The following NBAS variants were observed in gnomAD, a reference collection of about 807,000 sequenced individuals.
The protein encoded by NBAS is NBAS subunit of NRZ tethering complex, also known as NAG/BC035112 fusion.
In NBAS, 219 loss-of-function variants were observed where a neutral mutation model predicts 302.5. That is an observed-to-expected ratio of 0.72 (90% confidence interval 0.65 to 0.81). The LOEUF (loss-of-function observed/expected upper bound fraction) is 0.81. Ranked by LOEUF, NBAS falls within the 30% of genes least tolerant of loss-of-function variation. The probability of loss-of-function intolerance (pLI) is 0.00; values close to 1 mark genes in which losing one functional copy is unlikely to be tolerated. For synonymous variants in NBAS, 1,118 were observed against 1,021.6 expected (o/e 1.09, Z -1.80); for missense variants, 2,932 against 2,841.6 (o/e 1.03, Z -0.72).
chr2:15,047,112 AG>A, the NBAS span, among the ~76,000 whole-genome samples: 3 of 152,260 alleles, frequency 2.0e-5, no homozygotes, highest in Non-Finnish European at 4.4e-5. Context: ...TTCAGGCAGT[AG>A]AGCCTAGAGA....
the NBAS span, among the ~76,000 whole-genome samples, chr2:14,993,086 G>A: frequency 6.6e-6 from 1 of 152,204 alleles, no homozygotes; most frequent in African/African-American, 2.4e-5. Context: ...GGGGACCTTT[G>A]AAGGGAGTGA....
chr2:15,229,151 G>C (rs1174877224), intron 47 of NBAS, among the ~76,000 whole-genome samples: 1 of 151,616 alleles, frequency 6.6e-6, no homozygotes, highest in African/African-American at 2.4e-5. Flanking sequence ...AGATCAGCCT[G>C]GCCAACATGA....
At chr2:15,360,710 C>T (rs949183590) in intron 32 of NBAS, among the ~76,000 whole-genome samples, 1 of 132,360 alleles carries the variant, frequency 7.6e-6, no homozygotes, top group African/African-American at 2.8e-5. Flanking sequence ...AAGACACAAA[C>T]ACACATATTA....
the NBAS span, among the ~76,000 whole-genome samples, chr2:15,159,458 C>CAT: frequency 0.6 from 91,295 of 151,826 alleles, 29,190 homozygotes; most frequent in East Asian, 0.82. Flanking sequence ...GGGACCAGCA[C>CAT]GTTACAACAT....
the NBAS span, among the ~76,000 whole-genome samples, chr2:14,858,898 T>A: frequency 6.6e-6 from 1 of 152,074 alleles, no homozygotes; most frequent in African/African-American, 2.4e-5. Context: ...GTGATTATTA[T>A]GCATTGCATA....
At chr2:15,383,402 C>A (rs1675140492) in intron 28 of NBAS, 85 bp from the exon 29 acceptor site, 24 of 1,173,346 alleles carry the variant, frequency 2.0e-5, no homozygotes, top group Non-Finnish European at 2.9e-5. Flanking sequence ...GTTAAAAAAA[C>A]AAAAACTGGT....
At chr2:14,901,927 G>T in the NBAS span, among the ~76,000 whole-genome samples, 1 of 152,212 alleles carries the variant, frequency 6.6e-6, no homozygotes, top group Non-Finnish European at 1.5e-5. Context: ...GAACAGCAGT[G>T]ACATGCTTGG....
At chr2:15,382,952 T>C (rs546305109) in intron 29 of NBAS, among the ~76,000 whole-genome samples, 2 of 152,232 alleles carry the variant, frequency 1.3e-5, no homozygotes, top group South Asian at 2.1e-4. Flanking sequence ...ACCAAAACTA[T>C]GGAAGTGAGA....
At chr2:15,415,479 T>A in intron 25 of NBAS, 67 bp downstream of exon 25, 1 of 1,380,190 alleles carries the variant, frequency 7.2e-7, no homozygotes, top group Non-Finnish European at 1.0e-6. Flanking sequence ...ATAAAAATTG[T>A]ATAAATAAAA....
the NBAS span, among the ~76,000 whole-genome samples, chr2:14,920,487 GC>G: frequency 4.6e-5 from 7 of 152,200 alleles, no homozygotes; most frequent in African/African-American, 1.7e-4. Flanking sequence ...GTCCTTTGAA[GC>G]TTTGAAACCA....
chr2:15,201,500 T>C (rs1381526627), intron 48 of NBAS, among the ~76,000 whole-genome samples: 3 of 152,204 alleles, frequency 2.0e-5, no homozygotes, highest in Admixed American at 6.5e-5. Context: ...ACTACCAACA[T>C]TCCCCACCAA....
At chr2:14,975,405 G>A in the NBAS span, among the ~76,000 whole-genome samples, 7 of 152,260 alleles carry the variant, frequency 4.6e-5, no homozygotes, top group South Asian at 2.1e-4. Flanking sequence ...TCAATTCAAC[G>A]AATTATTCCT....
chr2:15,252,623 A>G (rs1187895108), intron 44 of NBAS, among the ~76,000 whole-genome samples: 2 of 152,190 alleles, frequency 1.3e-5, no homozygotes, highest in African/African-American at 4.8e-5. Flanking sequence ...CTACCTACAG[A>G]GTGAGGTGGA....
intron 11 of NBAS, 96 bp from the exon 12 acceptor site, chr2:15,489,118 T>C (rs1020285854): frequency 1.3e-5 from 17 of 1,357,420 alleles, no homozygotes; most frequent in Non-Finnish European, 1.7e-5. Flanking sequence ...AAGTTATAAA[T>C]GATCTTTAGT....
At chr2:15,245,067 G>A (rs1242500009) in intron 44 of NBAS, among the ~76,000 whole-genome samples, 3 of 152,054 alleles carry the variant, frequency 2.0e-5, no homozygotes, top group Non-Finnish European at 2.9e-5. Flanking sequence ...TGACTCTGGG[G>A]TTGCTTTGTT....
the NBAS span, among the ~76,000 whole-genome samples, chr2:14,930,952 A>G: frequency 0.15 from 23,000 of 152,222 alleles, 1,782 homozygotes; most frequent in African/African-American, 0.18. Context: ...CCCTTCTCCA[A>G]CAAGAGTGGG....
chr2:15,480,327 C>T (rs1418753559), intron 12 of NBAS, among the ~76,000 whole-genome samples: 1 of 150,298 alleles, frequency 6.7e-6, no homozygotes, highest in African/African-American at 2.5e-5. Context: ...GGCAACAAAG[C>T]AACACTCTAT....
chr2:15,233,666 T>C (rs931433432), intron 46 of NBAS, among the ~76,000 whole-genome samples: 1 of 152,138 alleles, frequency 6.6e-6, no homozygotes, highest in Non-Finnish European at 1.5e-5. Context: ...AATTTGAAAT[T>C]TGTTCTTTTT....
At chr2:15,346,653 T>G (rs1195254498) in intron 35 of NBAS, among the ~76,000 whole-genome samples, 2 of 152,170 alleles carry the variant, frequency 1.3e-5, no homozygotes, top group Non-Finnish European at 2.9e-5. Context: ...CATTACTCAG[T>G]ATATACTCAA....
Sources: gnomAD v4.1 joint callset for allele counts (sites outside exome capture counted in the v4.1 genomes callset) on GRCh38, gnomAD v4.1.1 for gene constraint, MANE v1.5 for transcripts, NCBI Gene and HGNC (gene_info 2026-07-23, HGNC 2026-07-21) for gene names.